The following PRKN variants were observed in gnomAD, a reference collection of about 807,000 sequenced individuals.
The protein encoded by PRKN is parkin RBR E3 ubiquitin protein ligase.
In PRKN, 56 loss-of-function variants were observed where a neutral mutation model predicts 59.5. The ratio of observed to expected loss-of-function variants is 0.94; its 90% CI spans 0.76 to 1.18. PRKN has a LOEUF of 1.18. Ranked by LOEUF, PRKN falls within the 50% of genes most tolerant of loss-of-function variation. The probability of loss-of-function intolerance (pLI) is 0.00; values close to 1 mark genes in which losing one functional copy is unlikely to be tolerated. For missense variants in PRKN, 657 were observed against 596.4 expected, an observed-to-expected ratio of 1.10 and a Z score of -1.06; for synonymous variants, 250 against 222.1, an observed-to-expected ratio of 1.13 and a Z score of -1.12.
rs114682167 is a variant in PRKN at position 162,336,600 on chromosome 6, T to C, written c.172-73835A>G. Among the ~76,000 whole-genome samples, 57 of 152,346 alleles carry C rather than the reference T, an allele frequency of 3.7e-4. 1 individual carries two copies. Among genetic ancestry groups the C allele is most frequent in the Admixed American group, 3.1e-3 (48 of 15,298 alleles). ...AAGACTGTCTGTCACACGATTTCGA[T>C]TGATGATTTGAGATTGCATGTGAGC... is the stretch of plus-strand genomic sequence containing the variant. On this transcript the variant is annotated intron_variant, in intron 2 of 11. Transcript: ENST00000366898.
At position 161,352,755 on chromosome 6, in the gene PRKN, GTA is replaced by G. The variant is rs1554251151; in HGVS notation, c.1286-2546_1286-2545del. On this transcript the variant is annotated intron_variant, in intron 11 of 11. Coordinates refer to ENST00000366898, the MANE Select transcript of PRKN (RefSeq NM_004562.3). The surrounding 1 kb of genome is among the most constrained non-coding windows in gnomAD (Gnocchi z 5.8). ...TGTGTGTGTGTGTGTGTGTGTGTGT[GTA>G]TATATATATATATATTTTATTTTAT... Among the ~76,000 whole-genome samples, 106 of 134,336 alleles carry G rather than the reference GTA, an allele frequency of 7.9e-4. No homozygotes were observed. The highest frequency in any genetic ancestry group is 6.7e-3 in the East Asian group (33 of 4,932). 88.1% of individuals were successfully genotyped at this position (134,336 alleles called of 152,430 possible).
intron 8 of PRKN, among the ~76,000 whole-genome samples, chr6:161,558,957 G>A (rs1394638396): frequency 6.6e-6 from 1 of 150,556 alleles, no homozygotes; most frequent in Non-Finnish European, 1.5e-5. Flanking sequence ...GAAGTGAATT[G>A]GCTAGAGAAA....
At chr6:162,718,758 T>C (rs1046026821) in intron 1 of PRKN, among the ~76,000 whole-genome samples, 4 of 150,164 alleles carry the variant, frequency 2.7e-5, no homozygotes, top group African/African-American at 9.8e-5. Context: ...CAAAACAAAA[T>C]AGAGTTCTAA....
intron 1 of PRKN, among the ~76,000 whole-genome samples, chr6:162,628,506 G>T (rs1233615304): frequency 6.6e-6 from 1 of 152,136 alleles, no homozygotes; most frequent in Non-Finnish European, 1.5e-5. Flanking sequence ...AAATGATGGA[G>T]TAGAAAGGTT....
chr6:162,604,797 C>G (rs1031984376), intron 1 of PRKN, among the ~76,000 whole-genome samples: 3 of 149,414 alleles, frequency 2.0e-5, no homozygotes, highest in Non-Finnish European at 3.0e-5. Context: ...TCTTTCAGAT[C>G]AATGGTGAAA....
rs932406246 is a variant in PRKN, at chr6:162,661,080, G to C, written c.7+66582C>G. Among the ~76,000 whole-genome samples the C allele has an allele frequency of 2.0e-5, 3 of 152,080 alleles. No homozygotes were observed. In the South Asian group the frequency reaches 6.2e-4, roughly 32 times the overall value. On this transcript the variant is annotated intron_variant, in intron 1 of 11. Transcript: ENST00000366898. ...AGTTCAAGATAAGCCTGACCAACATGGAGAAACCCCGTCTCTACTAAAAAT... is the reference window on the plus strand; with the variant it reads ...AGTTCAAGATAAGCCTGACCAACATCGAGAAACCCCGTCTCTACTAAAAAT...
chr6:161,899,129 A>T (rs2128234437), intron 6 of PRKN, among the ~76,000 whole-genome samples: 1 of 152,370 alleles, frequency 6.6e-6, no homozygotes, highest in African/African-American at 2.4e-5. Context: ...AGCGTGGCCC[A>T]GACAGTGACT....
Position 161,545,593 on chromosome 6 carries a change from A to G in PRKN, c.1083+3261T>C, listed in dbSNP as rs1244051447. Among the ~76,000 whole-genome samples the G allele has an allele frequency of 6.6e-6, 1 of 152,236 alleles. No homozygotes were observed. Among genetic ancestry groups the G allele is most frequent in the Non-Finnish European group, 1.5e-5 (1 of 68,044 alleles). On this transcript the variant is annotated intron_variant, in intron 9 of 11. Transcript: ENST00000366898. The surrounding 1 kb of genome is among the most constrained non-coding windows in gnomAD (Gnocchi z 4.1). ...AACCCAGAAAAGATGGGCAGCTTACAAGGTTATACAAACCACAGCAAAACA... is the reference window on the plus strand; with the variant it reads ...AACCCAGAAAAGATGGGCAGCTTACGAGGTTATACAAACCACAGCAAAACA...
At chr6:162,264,329 A>G (rs1780028009) in intron 2 of PRKN, among the ~76,000 whole-genome samples, 1 of 152,098 alleles carries the variant, frequency 6.6e-6, no homozygotes, top group South Asian at 2.1e-4. Flanking sequence ...TGCCTTTCAA[A>G]TACCTCTTGC....
intron 1 of PRKN, among the ~76,000 whole-genome samples, chr6:162,539,407 C>T (rs983646987): frequency 6.6e-6 from 1 of 152,092 alleles, no homozygotes; most frequent in Non-Finnish European, 1.5e-5. Flanking sequence ...TCCATTTCTC[C>T]TATACTAAGA....
chr6:162,675,979 A>C (rs944482665), intron 1 of PRKN, among the ~76,000 whole-genome samples: 3 of 152,166 alleles, frequency 2.0e-5, no homozygotes, highest in Non-Finnish European at 4.4e-5. Context: ...AAGCATAAAA[A>C]CCTGCAATTT....
At chr6:162,372,059 A>C (rs1435831775) in intron 2 of PRKN, among the ~76,000 whole-genome samples, 1 of 152,160 alleles carries the variant, frequency 6.6e-6, no homozygotes, top group Non-Finnish European at 1.5e-5. Flanking sequence ...GCCCAGGAGA[A>C]AGCTGGAGTG....
At position 162,343,907 on chromosome 6, in the gene PRKN, C is replaced by A. The variant is rs142759680; in HGVS notation, c.172-81142G>T. 2.0e-3 allele frequency among the ~76,000 whole-genome samples: 309 copies of A among 152,206 alleles called. 1 individual carries two copies. Among genetic ancestry groups the A allele is most frequent in the African/African-American group, 7.1e-3 (294 of 41,524 alleles). On this transcript the variant is annotated intron_variant, in intron 2 of 11. Coordinates refer to ENST00000366898, the MANE Select transcript of PRKN (RefSeq NM_004562.3). The stretch of plus-strand genomic sequence containing the variant: ...GAAATACTTTTGTAGAGATTTCACC[C>A]ATGAGCAATAGAAAAAAAGGAAAGT...
intron 5 of PRKN, among the ~76,000 whole-genome samples, chr6:162,027,740 G>C (rs1370811523): frequency 6.6e-6 from 1 of 151,906 alleles, no homozygotes; most frequent in Non-Finnish European, 1.5e-5. Flanking sequence ...CTGGGGGGTG[G>C]GAAGGGGCAT....
chr6:161,449,370 T>C (rs529514052), intron 9 of PRKN, among the ~76,000 whole-genome samples: 31 of 152,274 alleles, frequency 2.0e-4, no homozygotes, highest in Non-Finnish European at 4.0e-4. Flanking sequence ...GGTTTCAAGA[T>C]TGACATAGAG....
chr6:162,394,455 C>T (rs1271524100), intron 2 of PRKN, among the ~76,000 whole-genome samples: 3 of 152,110 alleles, frequency 2.0e-5, no homozygotes, highest in Admixed American at 6.5e-5. Context: ...GTAATACATC[C>T]ACCTAGTCAC....
chr6:161,439,743 T>C (rs768387067), intron 9 of PRKN, among the ~76,000 whole-genome samples: 1 of 152,186 alleles, frequency 6.6e-6, no homozygotes, highest in Admixed American at 6.5e-5. Flanking sequence ...ACGTAATTCT[T>C]GCCATTAATT....
intron 1 of PRKN, among the ~76,000 whole-genome samples, chr6:162,525,835 A>G (rs1778257685): frequency 6.6e-6 from 1 of 152,140 alleles, no homozygotes; most frequent in African/African-American, 2.4e-5. Context: ...ATGATTCACT[A>G]TTTATTTTTA....
intron 2 of PRKN, among the ~76,000 whole-genome samples, chr6:162,311,774 T>C (rs2128118258): frequency 6.6e-6 from 1 of 152,212 alleles, no homozygotes; most frequent in Admixed American, 6.5e-5. Context: ...GAGGGTCTGT[T>C]CTCTCCTGCC....
Sources: allele counts gnomAD v4.1 joint callset (sites outside exome capture counted in the v4.1 genomes callset), GRCh38; gene constraint gnomAD v4.1.1; non-coding constraint Gnocchi (gnomAD v3.1); transcripts MANE v1.5; gene names NCBI Gene and HGNC (gene_info 2026-07-23, HGNC 2026-07-21).